IQCM: variants seen among roughly 807,000 people sequenced by gnomAD.
IQCM encodes IQ domain-containing protein M.
Under a neutral mutation model 57.6 loss-of-function variants are expected in IQCM, and 45 were observed. That is an observed-to-expected ratio of 0.78 (90% CI 0.62 to 1.00). IQCM has a LOEUF of 1.00. Ranked by LOEUF, IQCM falls within the 50% of genes least tolerant of loss-of-function variation. The pLI is 0.00. For missense variants in IQCM, 468 were observed against 511.6 expected, an observed-to-expected ratio of 0.91 and a Z score of 0.82; for synonymous variants, 148 against 158.9, an observed-to-expected ratio of 0.93 and a Z score of 0.51.
chr4:149,662,649 C>G (rs1760326436), intron 7 of IQCM, among the ~76,000 whole-genome samples: 3 of 151,882 alleles, frequency 2.0e-5, no homozygotes, highest in Admixed American at 2.0e-4. Context: ...ATCCCTTTAT[C>G]ATTATATAAC....
chr4:149,805,970 T>C (rs1172365876), intron 2 of IQCM, among the ~76,000 whole-genome samples: 1 of 151,940 alleles, frequency 6.6e-6, no homozygotes, highest in Admixed American at 6.6e-5. Context: ...CAAGTTACGA[T>C]GGCTTTGCTA....
At chr4:149,407,422 C>T (rs1475542893) in intron 13 of IQCM, among the ~76,000 whole-genome samples, 1 of 152,072 alleles carries the variant, frequency 6.6e-6, no homozygotes, top group Non-Finnish European at 1.5e-5. Flanking sequence ...ACATTGTCCA[C>T]CCAAGTAGTA....
At chr4:149,752,833 A>T (rs1768585757) in intron 2 of IQCM, among the ~76,000 whole-genome samples, 1 of 152,176 alleles carries the variant, frequency 6.6e-6, no homozygotes, top group Non-Finnish European at 1.5e-5. Flanking sequence ...AAAGAGGTAG[A>T]AATGCAACTT....
chr4:149,591,427 C>G (rs920162490), intron 8 of IQCM, among the ~76,000 whole-genome samples: 56 of 151,758 alleles, frequency 3.7e-4, no homozygotes, highest in African/African-American at 1.3e-3. Context: ...TATTATGCCC[C>G]AACACTTACA....
intron 11 of IQCM, among the ~76,000 whole-genome samples, chr4:149,549,074 T>C (rs1167401607): frequency 6.6e-6 from 1 of 152,200 alleles, no homozygotes; most frequent in Non-Finnish European, 1.5e-5. Context: ...CAATGTCTAC[T>C]TTTTGCTCAC....
At chr4:149,359,074 A>C (rs1308856142) in intron 13 of IQCM, among the ~76,000 whole-genome samples, 2 of 152,108 alleles carry the variant, frequency 1.3e-5, no homozygotes, top group East Asian at 3.9e-4. Context: ...AGAGATCATA[A>C]ATAACCCCAA....
chr4:149,776,446 T>A (rs1346308356), intron 2 of IQCM, among the ~76,000 whole-genome samples: 1 of 152,158 alleles, frequency 6.6e-6, no homozygotes, highest in Non-Finnish European at 1.5e-5. Flanking sequence ...AAATCTAATA[T>A]CTTTCCACTA....
At chr4:149,640,557 C>T (rs867252514) in intron 7 of IQCM, among the ~76,000 whole-genome samples, 9 of 152,098 alleles carry the variant, frequency 5.9e-5, no homozygotes, top group African/African-American at 2.2e-4. Context: ...CCTTATCTTG[C>T]TTGAAAATTA....
chr4:149,741,952 G>T lies in IQCM; in HGVS notation c.37+703C>A, dbSNP rs1226047822. 2.0e-5 allele frequency among the ~76,000 whole-genome samples: 3 copies of T among 152,092 alleles called. No homozygotes were observed. In the East Asian group the frequency reaches 5.8e-4, roughly 29 times the overall value. The stretch of plus-strand genomic sequence containing the variant: ...TATATTTAATTTTTATTTGTGAATT[G>T]TACCTCAATAAAGCTAGAAGATTAT... On this transcript the variant is annotated intron_variant, in intron 3 of 13. Coordinates refer to ENST00000636793, the MANE Select transcript of IQCM (RefSeq NM_001363507.2).
chr4:149,418,169 GT>G (rs36117835), intron 13 of IQCM, among the ~76,000 whole-genome samples: 72,871 of 148,958 alleles, frequency 0.49, 18,025 homozygotes, highest in African/African-American at 0.57. Context: ...CCAGGTTATG[GT>G]TTTTTTTTTA....
intron 9 of IQCM, among the ~76,000 whole-genome samples, chr4:149,564,647 C>T (rs1485293926): frequency 2.0e-5 from 3 of 152,096 alleles, no homozygotes; most frequent in Non-Finnish European, 4.4e-5. Flanking sequence ...GACAGACTGG[C>T]CTAGTCTCCT....
chr4:149,455,690 G>C (rs905374848), intron 12 of IQCM, among the ~76,000 whole-genome samples: 2 of 152,086 alleles, frequency 1.3e-5, no homozygotes, highest in African/African-American at 4.8e-5. Flanking sequence ...AATAAGCCAG[G>C]CATGGTGTCT....
intron 12 of IQCM, among the ~76,000 whole-genome samples, chr4:149,434,301 A>C (rs980114980): frequency 2.0e-5 from 3 of 152,132 alleles, no homozygotes; most frequent in Non-Finnish European, 4.4e-5. Flanking sequence ...TGTATTAACT[A>C]GTAGCTGAGA....
intron 12 of IQCM, among the ~76,000 whole-genome samples, chr4:149,480,965 G>A (rs1336853893): frequency 6.6e-6 from 1 of 152,126 alleles, no homozygotes; most frequent in East Asian, 1.9e-4. Flanking sequence ...GGGGTGAGAC[G>A]ATATCTCATT....
chr4:149,399,377 G>A (rs1732455456), intron 13 of IQCM, among the ~76,000 whole-genome samples: 1 of 151,904 alleles, frequency 6.6e-6, no homozygotes, highest in Non-Finnish European at 1.5e-5. Context: ...ATTAGACGAA[G>A]TGGAAGAATA....
chr4:149,585,952 A>C (rs1752606600), intron 9 of IQCM, among the ~76,000 whole-genome samples: 1 of 151,668 alleles, frequency 6.6e-6, no homozygotes, highest in African/African-American at 2.4e-5. Flanking sequence ...TACACAGGGT[A>C]GACTATACAG....
chr4:149,806,919 T>A (rs952106147), intron 2 of IQCM, among the ~76,000 whole-genome samples: 2 of 151,970 alleles, frequency 1.3e-5, no homozygotes, highest in Admixed American at 1.3e-4. Context: ...CAATCCCATT[T>A]ACAATAGCTA....
At chr4:149,721,617 A>G (rs1288234257) in intron 5 of IQCM, among the ~76,000 whole-genome samples, 3 of 152,106 alleles carry the variant, frequency 2.0e-5, no homozygotes, top group Non-Finnish European at 4.4e-5. Context: ...TGCAAAAGAC[A>G]TTATTCTGTT....
At chr4:149,658,617 G>A (rs953334129) in intron 7 of IQCM, among the ~76,000 whole-genome samples, 22 of 151,872 alleles carry the variant, frequency 1.4e-4, no homozygotes, top group Admixed American at 5.3e-4. Context: ...ATGAACATGG[G>A]ATATCTTTCC....
Sources: gnomAD v4.1 joint callset for allele counts (sites outside exome capture counted in the v4.1 genomes callset) on GRCh38, gnomAD v4.1.1 for gene constraint, MANE v1.5 for transcripts, NCBI Gene and HGNC (gene_info 2026-07-23, HGNC 2026-07-21) for gene names.